CDC42SE2: variants seen among roughly 807,000 people sequenced by gnomAD.
CDC42SE2 encodes CDC42 small effector protein 2.
Under a neutral mutation model 11.5 loss-of-function variants are expected in CDC42SE2, and 3 were observed. The observed-to-expected ratio is 0.26, with a 90% CI of 0.12 to 0.67. The LOEUF (loss-of-function observed/expected upper bound fraction) is 0.67, where lower values mean the gene tolerates loss of function less well. CDC42SE2 is among the 30% of genes least tolerant of loss of function. The pLI is 0.80. For synonymous variants in CDC42SE2, 33 were observed against 34.8 expected (o/e 0.95, Z 0.18); for missense variants, 82 against 106.8 (o/e 0.77, Z 1.02).
intron 1 of CDC42SE2, chr5:131,253,179 A>C (rs777534532): frequency 1.3e-5 from 2 of 152,256 alleles, no homozygotes; most frequent in African/African-American, 2.4e-5. Flanking sequence ...TATCCTAAAA[A>C]AAAAGAGAAG....
intron 1 of CDC42SE2, among the ~76,000 whole-genome samples, chr5:131,278,665 T>C (rs1267458614): frequency 7.1e-6 from 1 of 141,290 alleles, no homozygotes; most frequent in Admixed American, 7.4e-5. Flanking sequence ...TTGTTGTTTT[T>C]ATAGACAAAA....
chr5:131,381,559 G>C (rs1227867431), intron 3 of CDC42SE2, among the ~76,000 whole-genome samples: 1 of 152,190 alleles, frequency 6.6e-6, no homozygotes, highest in East Asian at 1.9e-4. Context: ...TTGACCTCAG[G>C]TGATCCACCC....
At chr5:131,243,253 G>C (rs1756554256), upstream of CDC42SE2, among the ~76,000 whole-genome samples, 1 of 152,190 alleles carries the variant, frequency 6.6e-6, no homozygotes, top group Admixed American at 6.5e-5. Context: ...CCTGCACTAG[G>C]CTTAATGTTT....
At chr5:131,325,874 C>G (rs1414455312) in intron 2 of CDC42SE2, among the ~76,000 whole-genome samples, 2 of 152,018 alleles carry the variant, frequency 1.3e-5, no homozygotes, top group African/African-American at 4.8e-5. Flanking sequence ...TTGTAGATTC[C>G]CATTGGTTTA....
chr5:131,303,866 C>G (rs1757730632), intron 1 of CDC42SE2, among the ~76,000 whole-genome samples: 1 of 152,038 alleles, frequency 6.6e-6, no homozygotes, highest in African/African-American at 2.4e-5. Context: ...GCATTCTTGT[C>G]TTCATAGCAA....
chr5:131,226,194 T>C, the CDC42SE2 span, among the ~76,000 whole-genome samples: 6 of 152,232 alleles, frequency 3.9e-5, no homozygotes, highest in East Asian at 5.8e-4. Flanking sequence ...AGATCTTTGG[T>C]GTTAGCTAAT....
intron 2 of CDC42SE2, among the ~76,000 whole-genome samples, chr5:131,332,003 C>A (rs2080540030): frequency 6.6e-6 from 1 of 152,118 alleles, no homozygotes; most frequent in Non-Finnish European, 1.5e-5. Context: ...TTTTAGGGTA[C>A]ATGTGCACAA....
rs138418497 is a variant in CDC42SE2 at position 131,272,802 on chromosome 5, T to C, written c.-455+8636T>C. Among the ~76,000 whole-genome samples the C allele has an allele frequency of 3.2e-3, 493 of 152,330 alleles. 6 individuals carry two copies. Among genetic ancestry groups the C allele is most frequent in the African/African-American group, 0.012 (484 of 41,562 alleles). ...TTGTTTGGATCCACTACAATCTGCT[T>C]TTTTTCTCTTTCATTCTACCATAAC... is the stretch of plus-strand genomic sequence containing the variant. On this transcript the variant is annotated intron_variant, in intron 1 of 4. Coordinates refer to ENST00000505065, the MANE Select transcript of CDC42SE2 (RefSeq NM_001375635.1).
the CDC42SE2 span, among the ~76,000 whole-genome samples, chr5:131,219,011 C>T: frequency 1.6e-4 from 24 of 152,144 alleles, no homozygotes; most frequent in African/African-American, 5.3e-4. Flanking sequence ...ATAATGATTA[C>T]GAAAAAGAAC....
chr5:131,355,147 A>G (rs1023034756), intron 2 of CDC42SE2, among the ~76,000 whole-genome samples: 10 of 152,224 alleles, frequency 6.6e-5, no homozygotes, highest in African/African-American at 2.4e-4. Flanking sequence ...GCATTTAGGA[A>G]AAGGGATATT....
At chr5:131,295,763 A>G (rs1456829608) in intron 1 of CDC42SE2, among the ~76,000 whole-genome samples, 1 of 151,694 alleles carries the variant, frequency 6.6e-6, no homozygotes, top group African/African-American at 2.4e-5. Flanking sequence ...GCTCACTGCA[A>G]GCTCCACCTC....
At chr5:131,361,204 T>A (rs1012924205) in intron 3 of CDC42SE2, among the ~76,000 whole-genome samples, 7 of 151,992 alleles carry the variant, frequency 4.6e-5, no homozygotes, top group Admixed American at 2.6e-4. Flanking sequence ...TATAATAAAG[T>A]GAATTCTCTT....
intron 1 of CDC42SE2, among the ~76,000 whole-genome samples, chr5:131,275,302 T>G (rs2149696875): frequency 6.6e-6 from 1 of 151,894 alleles, no homozygotes; most frequent in South Asian, 2.1e-4. Flanking sequence ...TGTAATCTTT[T>G]TTTTTTTTTT....
rs556684621 is a variant in CDC42SE2 at position 131,333,805 on chromosome 5, A to G, written c.-286+17661A>G. 2.2e-4 allele frequency among the ~76,000 whole-genome samples: 34 copies of G among 152,302 alleles called. No individual in the cohort carries two copies. The South Asian group carries it at 6.6e-3, about 30-fold the overall frequency. On this transcript the variant is annotated intron_variant, in intron 2 of 4. Coordinates refer to ENST00000505065, the MANE Select transcript of CDC42SE2 (RefSeq NM_001375635.1). ...ATAAGAATGCTTGTGATTTTTGCAC[A>G]TTGATTTTGTATCGTGAGACTTTGC... is the stretch of plus-strand genomic sequence containing the variant.
chr5:131,326,419 G>A (rs899034841), intron 2 of CDC42SE2, among the ~76,000 whole-genome samples: 1 of 152,096 alleles, frequency 6.6e-6, no homozygotes, highest in African/African-American at 2.4e-5. Context: ...AATGCAATGT[G>A]TATGGTTATT....
rs190759527 is a variant in CDC42SE2, at chr5:131,365,850, C to T, written c.54+6303C>T. Among the ~76,000 whole-genome samples, 837 of 152,104 alleles carry T rather than the reference C, an allele frequency of 5.5e-3. 8 individuals carry two copies. Among genetic ancestry groups the T allele is most frequent in the African/African-American group, 0.02 (810 of 41,478 alleles). Reference sequence around the variant, plus strand: ...ACAAAAAATTAGCCGGGTGTGGTGGCGGGTGCCTGTAGTCCCAGCTACTCG... The same window carrying T: ...ACAAAAAATTAGCCGGGTGTGGTGGTGGGTGCCTGTAGTCCCAGCTACTCG... On this transcript the variant is annotated intron_variant, in intron 3 of 4. Transcript: ENST00000505065.
intron 3 of CDC42SE2, among the ~76,000 whole-genome samples, chr5:131,370,496 T>TC (rs1749987298): frequency 6.6e-6 from 1 of 151,618 alleles, no homozygotes; most frequent in Non-Finnish European, 1.5e-5. Flanking sequence ...TTTTTTTTTT[T>TC]CTCCCCAGCA....
chr5:131,366,159 T>TA (rs1311813126), intron 3 of CDC42SE2, among the ~76,000 whole-genome samples: 4 of 152,256 alleles, frequency 2.6e-5, no homozygotes, highest in African/African-American at 9.6e-5. Context: ...TATTTTCTTG[T>TA]AGATAGTCAC....
intron 1 of CDC42SE2, among the ~76,000 whole-genome samples, chr5:131,246,847 G>A (rs1756597960): frequency 6.7e-6 from 1 of 148,438 alleles, no homozygotes; most frequent in African/African-American, 2.5e-5. Context: ...GGGTTCAAGA[G>A]ATTCTCCTAC....
Sources: allele counts gnomAD v4.1 joint callset (sites outside exome capture counted in the v4.1 genomes callset), GRCh38; gene constraint gnomAD v4.1.1; transcripts MANE v1.5; gene names NCBI Gene and HGNC (gene_info 2026-07-23, HGNC 2026-07-21).